LIMCH1: variants seen among roughly 807,000 people sequenced by gnomAD.
LIMCH1 encodes the protein LIM and calponin homology domains-containing protein 1.
In LIMCH1, 113 loss-of-function variants were observed where a neutral mutation model predicts 176.5. The ratio of observed to expected loss-of-function variants is 0.64; its 90% CI spans 0.55 to 0.75. The LOEUF (loss-of-function observed/expected upper bound fraction) is 0.75. Ranked by LOEUF, LIMCH1 falls within the 30% of genes least tolerant of loss-of-function variation. The pLI is 0.00. For missense variants in LIMCH1, 1,674 were observed against 1,814.9 expected (o/e 0.92, Z 1.41); for synonymous variants, 619 against 645.9 (o/e 0.96, Z 0.63).
At chr4:41,379,906 C>A (rs904609295) in intron 1 of LIMCH1, among the ~76,000 whole-genome samples, 2 of 152,138 alleles carry the variant, frequency 1.3e-5, no homozygotes, top group African/African-American at 2.4e-5. Flanking sequence ...TCAGGCAGTT[C>A]TCCTGCCTCA....
chr4:41,608,849 G>A (rs2091065363), intron 4 of LIMCH1, among the ~76,000 whole-genome samples: 1 of 152,086 alleles, frequency 6.6e-6, no homozygotes, highest in Non-Finnish European at 1.5e-5. Flanking sequence ...GGAGATTTCA[G>A]GATCTTTCTC....
chr4:41,617,909 A>G (rs1167922257), intron 5 of LIMCH1, among the ~76,000 whole-genome samples: 1 of 152,210 alleles, frequency 6.6e-6, no homozygotes, highest in Non-Finnish European at 1.5e-5. Flanking sequence ...CACTGTACCA[A>G]TAGTTTCATA....
chr4:41,653,972 C>T (rs895927441), intron 18 of LIMCH1, among the ~76,000 whole-genome samples: 1 of 152,186 alleles, frequency 6.6e-6, no homozygotes, highest in Non-Finnish European at 1.5e-5. Context: ...ATAGCAGTTA[C>T]CTTGCAGATG....
chr4:41,581,108 GTCTGTCTA>G (rs2085335298), intron 1 of LIMCH1, among the ~76,000 whole-genome samples: 1 of 128,720 alleles, frequency 7.8e-6, no homozygotes, highest in Non-Finnish European at 1.6e-5. Flanking sequence ...TCATCTGTCT[GTCTGTCTA>G]TCTATCTATC....
At chr4:41,403,146 T>A (rs1408810665) in intron 1 of LIMCH1, among the ~76,000 whole-genome samples, 1 of 151,634 alleles carries the variant, frequency 6.6e-6, no homozygotes, top group Non-Finnish European at 1.5e-5. Flanking sequence ...GAAAACAGAC[T>A]AATGCTGTAA....
intron 1 of LIMCH1, among the ~76,000 whole-genome samples, chr4:41,400,418 GTATC>G (rs1174687961): frequency 6.6e-6 from 1 of 152,072 alleles, no homozygotes; most frequent in Non-Finnish European, 1.5e-5. Flanking sequence ...GTCGGGGAAG[GTATC>G]TATTTTAAAT....
chr4:41,646,551 G>A lies in LIMCH1; in HGVS notation c.2478G>A (p.Gly826=). Reference sequence around the variant, plus strand: ...CTCGGTCCCAGGAGGAGGCAGAGGGGATCCTTCAACAGTACATTGAGAGGT... The same window carrying A: ...CTCGGTCCCAGGAGGAGGCAGAGGGAATCCTTCAACAGTACATTGAGAGGT... ...KNARSQEEAE[G]ILQQYIERFT... is the part of the protein sequence containing the mutation. The change falls in exon 17 of 32, where the codon GGG becomes GGA. Residue 826 remains glycine (G), a synonymous_variant. Transcript: ENST00000503057. 2 of 1,614,146 alleles carry A rather than the reference G, an allele frequency of 1.2e-6. No homozygotes were observed. Among genetic ancestry groups the A allele is most frequent in the Non-Finnish European group, 1.7e-6 (2 of 1,180,016 alleles).
intron 17 of LIMCH1, among the ~76,000 whole-genome samples, chr4:41,648,422 AG>A (rs545102797): frequency 9.5e-4 from 144 of 152,154 alleles, no homozygotes; most frequent in Middle Eastern, 6.8e-3. Context: ...ACTTCCATGG[AG>A]GGGGTTATTA....
chr4:41,608,108 A>G (rs1174311627), intron 4 of LIMCH1, among the ~76,000 whole-genome samples: 1 of 152,218 alleles, frequency 6.6e-6, no homozygotes, highest in East Asian at 1.9e-4. Context: ...ATGTCTTTTC[A>G]CCAACAGAAG....
intron 1 of LIMCH1, among the ~76,000 whole-genome samples, chr4:41,573,940 G>T (rs1480378807): frequency 6.6e-6 from 1 of 152,110 alleles, no homozygotes; most frequent in Non-Finnish European, 1.5e-5. Flanking sequence ...CTGTGTCCTG[G>T]ACCTTTGCCA....
At chr4:41,474,876 G>A (rs143046129) in intron 1 of LIMCH1, among the ~76,000 whole-genome samples, 6 of 152,156 alleles carry the variant, frequency 3.9e-5, no homozygotes, top group East Asian at 1.9e-4. Flanking sequence ...CTGTGTTCCC[G>A]TGTTGACTGC....
chr4:41,465,954 C>CTTTTTTTTTTT (rs34784602), intron 1 of LIMCH1, among the ~76,000 whole-genome samples: 1 of 108,290 alleles, frequency 9.2e-6, no homozygotes. Flanking sequence ...CTGTTTGGCT[C>CTTTTTTTTTTT]TTTTTTTTTT....
intron 14 of LIMCH1, among the ~76,000 whole-genome samples, chr4:41,644,298 G>T (rs2093958175): frequency 6.6e-6 from 1 of 152,114 alleles, no homozygotes; most frequent in Admixed American, 6.5e-5. Flanking sequence ...GGCGTTTGCG[G>T]CAAAAGGAGG....
chr4:41,518,628 A>G (rs907757451), intron 2 of LIMCH1, among the ~76,000 whole-genome samples: 3 of 152,164 alleles, frequency 2.0e-5, no homozygotes, highest in African/African-American at 7.2e-5. Context: ...CAGGTTTGTT[A>G]CATAGGTATA....
At chr4:41,486,474 T>G (rs1446582247) in intron 1 of LIMCH1, among the ~76,000 whole-genome samples, 1 of 152,184 alleles carries the variant, frequency 6.6e-6, no homozygotes, top group Non-Finnish European at 1.5e-5. Flanking sequence ...GCTTATGCTG[T>G]CATGAGGGGA....
chr4:41,627,081 C>T (rs2093014075), intron 8 of LIMCH1, 71 bp downstream of exon 8: 6 of 1,469,308 alleles, frequency 4.1e-6, no homozygotes, highest in Middle Eastern at 2.0e-4. Flanking sequence ...GGAGAGAGGA[C>T]ATAATTAAGT....
At chr4:41,420,537 G>A (rs1335246129) in intron 1 of LIMCH1, among the ~76,000 whole-genome samples, 1 of 152,170 alleles carries the variant, frequency 6.6e-6, no homozygotes, top group Non-Finnish European at 1.5e-5. Flanking sequence ...TTTATTTCAG[G>A]AGTTGGCTGG....
intron 20 of LIMCH1, among the ~76,000 whole-genome samples, chr4:41,663,654 G>C (rs1182848316): frequency 1.3e-5 from 2 of 151,736 alleles, no homozygotes; most frequent in Non-Finnish European, 2.9e-5. Context: ...TTGTTTTCAG[G>C]TACAGAGTCT....
upstream of LIMCH1, among the ~76,000 whole-genome samples, chr4:41,535,520 C>A (rs538346515): frequency 5.9e-5 from 9 of 152,230 alleles, no homozygotes; most frequent in African/African-American, 1.4e-4. Context: ...CCATATTTTG[C>A]CTTTTTATAA....
Sources: gnomAD v4.1 joint callset for allele counts (sites outside exome capture counted in the v4.1 genomes callset) on GRCh38, gnomAD v4.1.1 for gene constraint, MANE v1.5 for transcripts, NCBI Gene and HGNC (gene_info 2026-07-23, HGNC 2026-07-21) for gene names.